The following LRFN2 variants were observed in gnomAD, a reference collection of about 807,000 sequenced individuals.
The protein encoded by LRFN2 is leucine rich repeat and fibronectin type III domain containing 2, also known as leucine-rich repeat and fibronectin type-III domain-containing protein 2.
A neutral mutation model predicts 37.3 loss-of-function variants in LRFN2; 18 were observed. That is an observed-to-expected ratio of 0.48 (90% CI 0.33 to 0.72). The LOEUF is 0.72. Ranked by LOEUF, LRFN2 falls within the 30% of genes least tolerant of loss-of-function variation. The pLI is 0.02. For missense variants in LRFN2, 1,006 were observed against 1,060.7 expected, an observed-to-expected ratio of 0.95 and a Z score of 0.72; for synonymous variants, 556 against 466.6, an observed-to-expected ratio of 1.19 and a Z score of -2.47.
At chr6:40,518,672 C>T (rs1465231174) in intron 1 of LRFN2, among the ~76,000 whole-genome samples, 1 of 152,192 alleles carries the variant, frequency 6.6e-6, no homozygotes, top group Admixed American at 6.5e-5. Flanking sequence ...TGAGCCAGTA[C>T]AGATCATTCA....
chr6:40,467,501 A>T (rs1477685542), intron 1 of LRFN2, among the ~76,000 whole-genome samples: 1 of 152,144 alleles, frequency 6.6e-6, no homozygotes, highest in Non-Finnish European at 1.5e-5. Context: ...AGACATGGAG[A>T]CAGTGTCTGA....
At chr6:40,422,586 A>T (rs1763253745) in intron 2 of LRFN2, among the ~76,000 whole-genome samples, 1 of 152,104 alleles carries the variant, frequency 6.6e-6, no homozygotes, top group Non-Finnish European at 1.5e-5. Flanking sequence ...CTGGGCTGTT[A>T]ATGAGGCTGA....
At chr6:40,468,354 G>T (rs1218196203) in intron 1 of LRFN2, among the ~76,000 whole-genome samples, 1 of 152,144 alleles carries the variant, frequency 6.6e-6, no homozygotes, top group Non-Finnish European at 1.5e-5. Context: ...CCAGCATGGG[G>T]TGCGGCCCCA....
At chr6:40,580,054 G>A (rs895644256) in intron 1 of LRFN2, among the ~76,000 whole-genome samples, 1 of 152,206 alleles carries the variant, frequency 6.6e-6, no homozygotes. Context: ...GCCTCAAGAG[G>A]TGAGGTGGGC....
At chr6:40,521,670 G>A (rs548724645) in intron 1 of LRFN2, among the ~76,000 whole-genome samples, 7 of 152,288 alleles carry the variant, frequency 4.6e-5, no homozygotes, top group East Asian at 1.9e-4. Context: ...GCAGGGAGGT[G>A]TCCAGACAAG....
chr6:40,557,209 T>C (rs1369074008), intron 1 of LRFN2, among the ~76,000 whole-genome samples: 2 of 152,188 alleles, frequency 1.3e-5, no homozygotes, highest in East Asian at 1.9e-4. Flanking sequence ...GTCCAGCACA[T>C]GGCCCACCTT....
intron 1 of LRFN2, among the ~76,000 whole-genome samples, chr6:40,474,772 G>A (rs1764674362): frequency 6.6e-6 from 1 of 152,114 alleles, no homozygotes; most frequent in Non-Finnish European, 1.5e-5. Flanking sequence ...TTACAGTTGT[G>A]AGTCACTGCA....
intron 1 of LRFN2, among the ~76,000 whole-genome samples, chr6:40,528,894 A>G (rs1766302268): frequency 6.6e-6 from 1 of 152,154 alleles, no homozygotes. Flanking sequence ...TGCTCCAACT[A>G]GTCCCACTGC....
chr6:40,536,084 A>C (rs1047752982), intron 1 of LRFN2, among the ~76,000 whole-genome samples: 5 of 152,058 alleles, frequency 3.3e-5, no homozygotes, highest in Non-Finnish European at 7.4e-5. Flanking sequence ...CAGTCACCGG[A>C]GGTTCTGCTT....
chr6:40,490,999 C>T (rs1388834820), intron 1 of LRFN2, among the ~76,000 whole-genome samples: 1 of 152,102 alleles, frequency 6.6e-6, no homozygotes, highest in African/African-American at 2.4e-5. Flanking sequence ...AGCCAGGAGG[C>T]CACTGTGGCC....
chr6:40,560,175 G>A (rs995025731), intron 1 of LRFN2, among the ~76,000 whole-genome samples: 1 of 152,184 alleles, frequency 6.6e-6, no homozygotes, highest in Non-Finnish European at 1.5e-5. Context: ...AAGTGTTTGT[G>A]AACTGAAGGG....
rs542049817 is a variant in LRFN2, at chr6:40,416,478, G to A, written c.1400+15236C>T. Among the ~76,000 whole-genome samples, 9 of 152,352 alleles carry A rather than the reference G, an allele frequency of 5.9e-5. No individual in the cohort carries two copies. The East Asian group carries it at 7.7e-4, about 13-fold the overall frequency. On this transcript the variant is annotated intron_variant, in intron 2 of 2. Transcript: ENST00000338305. ...CACAAGGATTCACAGAAAGGAGAGC[G>A]TTGGCCTGGATGAGCTTGAACTGAC...
chr6:40,462,575 A>C (rs1364456282), intron 1 of LRFN2, among the ~76,000 whole-genome samples: 1 of 152,208 alleles, frequency 6.6e-6, no homozygotes, highest in Non-Finnish European at 1.5e-5. Context: ...TCTCTTATTC[A>C]GTCCTTGTAA....
chr6:40,572,984 C>T (rs73732766), intron 1 of LRFN2, among the ~76,000 whole-genome samples: 146 of 152,320 alleles, frequency 9.6e-4, no homozygotes, highest in Middle Eastern at 3.4e-3. Flanking sequence ...CCTGCATAGC[C>T]GCCCCAGTGA....
intron 1 of LRFN2, among the ~76,000 whole-genome samples, chr6:40,454,135 A>G (rs1288771168): frequency 6.6e-6 from 1 of 152,194 alleles, no homozygotes; most frequent in Non-Finnish European, 1.5e-5. Context: ...TAATTAAGGA[A>G]ATGCAAAGGA....
At chr6:40,494,221 A>T (rs930003960) in intron 1 of LRFN2, among the ~76,000 whole-genome samples, 1 of 152,214 alleles carries the variant, frequency 6.6e-6, no homozygotes, top group African/African-American at 2.4e-5. Context: ...CACCTGGGAT[A>T]AGTAACATTC....
intron 1 of LRFN2, among the ~76,000 whole-genome samples, chr6:40,464,710 GC>G (rs1334435584): frequency 6.6e-6 from 1 of 152,070 alleles, no homozygotes; most frequent in Non-Finnish European, 1.5e-5. Context: ...ATGTGACTCT[GC>G]CTTCCGTGGC....
At chr6:40,489,640 G>A (rs1765041447) in intron 1 of LRFN2, among the ~76,000 whole-genome samples, 1 of 152,108 alleles carries the variant, frequency 6.6e-6, no homozygotes, top group African/African-American at 2.4e-5. Context: ...CTGACGAGGA[G>A]GCCTGGGAGG....
chr6:40,478,499 C>A (rs1018982953), intron 1 of LRFN2, among the ~76,000 whole-genome samples: 13 of 152,150 alleles, frequency 8.5e-5, no homozygotes, highest in Admixed American at 2.6e-4. Flanking sequence ...TGAGGTTGAG[C>A]AACTTGCCCA....
Sources: gnomAD v4.1 joint callset for allele counts (sites outside exome capture counted in the v4.1 genomes callset) on GRCh38, gnomAD v4.1.1 for gene constraint, MANE v1.5 for transcripts, NCBI Gene and HGNC (gene_info 2026-07-23, HGNC 2026-07-21) for gene names.